Variants in RASGRP1 observed in about 807,000 individuals in gnomAD.
RASGRP1 encodes RAS guanyl-releasing protein 1.
In RASGRP1, 37 loss-of-function variants were observed where a neutral mutation model predicts 95.1. The observed-to-expected ratio is 0.39, with a 90% CI of 0.30 to 0.51. RASGRP1 has a LOEUF of 0.51. Ranked by LOEUF, RASGRP1 falls within the 20% of genes least tolerant of loss-of-function variation. The pLI, the probability that RASGRP1 is intolerant of heterozygous loss-of-function variation, is 0.80. For synonymous variants in RASGRP1, 325 were observed against 353.4 expected (o/e 0.92, Z 0.90); for missense variants, 711 against 965.4 (o/e 0.74, Z 3.49).
At chr15:38,541,215 C>A (rs1290942328) in intron 2 of RASGRP1, among the ~76,000 whole-genome samples, 1 of 152,222 alleles carries the variant, frequency 6.6e-6, no homozygotes, top group Middle Eastern at 3.2e-3. Context: ...ACTGTATCCA[C>A]TTTACCGACA....
chr15:38,523,608 G>T (rs1255010924), intron 3 of RASGRP1, among the ~76,000 whole-genome samples: 1 of 152,018 alleles, frequency 6.6e-6, no homozygotes, highest in East Asian at 1.9e-4. Context: ...AATGTCCTAG[G>T]CCTTCACATT....
At chr15:38,499,946 C>T (rs562714567) in intron 14 of RASGRP1, among the ~76,000 whole-genome samples, 157 bp downstream of exon 14, 3 of 152,188 alleles carry the variant, frequency 2.0e-5, no homozygotes, top group Non-Finnish European at 4.4e-5. Context: ...TCCCCTTCTG[C>T]CATGATTGTG....
At chr15:38,504,443 T>G (rs940484024) in intron 10 of RASGRP1, 2 of 152,204 alleles carry the variant, frequency 1.3e-5, no homozygotes, top group African/African-American at 4.8e-5. Flanking sequence ...AAATGTTTAA[T>G]TTTTTAAATC....
chr15:38,535,945 G>C (rs978512980), intron 2 of RASGRP1, among the ~76,000 whole-genome samples: 10 of 152,150 alleles, frequency 6.6e-5, no homozygotes, highest in African/African-American at 2.4e-4. Context: ...GTCTGTGGGT[G>C]GGGTTTGGGG....
At chr15:38,519,750 A>G (rs1307222821) in intron 3 of RASGRP1, among the ~76,000 whole-genome samples, 1 of 152,212 alleles carries the variant, frequency 6.6e-6, no homozygotes, top group Non-Finnish European at 1.5e-5. Context: ...GGAAAAATGA[A>G]GCAGAAAAAA....
chr15:38,520,952 C>A (rs1891978078), intron 3 of RASGRP1, among the ~76,000 whole-genome samples: 5 of 152,038 alleles, frequency 3.3e-5, no homozygotes, highest in South Asian at 2.1e-4. Flanking sequence ...AATTTTAATA[C>A]ATATACTGCC....
At chr15:38,520,330 CA>C (rs1891953849) in intron 3 of RASGRP1, among the ~76,000 whole-genome samples, 1 of 152,188 alleles carries the variant, frequency 6.6e-6, no homozygotes, top group Admixed American at 6.6e-5. Flanking sequence ...ACCCAGCAAA[CA>C]TTTTAATTAA....
intron 2 of RASGRP1, among the ~76,000 whole-genome samples, chr15:38,537,343 G>A (rs1392260278): frequency 6.6e-6 from 1 of 152,166 alleles, no homozygotes; most frequent in Non-Finnish European, 1.5e-5. Context: ...GAAGCCCTCA[G>A]GAAGCTTACA....
chr15:38,502,037 T>C (rs899795704), intron 12 of RASGRP1, among the ~76,000 whole-genome samples: 12 of 152,240 alleles, frequency 7.9e-5, no homozygotes, highest in African/African-American at 2.9e-4. Context: ...GTATTTTTAG[T>C]AGAGACAGGG....
rs55888286 is a variant in RASGRP1 at position 38,512,984 on chromosome 15, A to G, written c.676-28T>C. On this transcript the variant is annotated intron_variant, in intron 6 of 16. Transcript: ENST00000310803. The stretch of plus-strand genomic sequence containing the variant: ...GCAGGAAAAGAAACAACAACAACAA[A>G]AAAAACCTATCAGTACTGTACTCTG... 4.1e-6 allele frequency: 6 copies of G among 1,477,046 alleles called. No homozygotes were observed. In the Admixed American group the frequency reaches 1.3e-4, roughly 32 times the overall value. 91.5% of individuals were successfully genotyped at this position (1,477,046 alleles called of 1,614,324 possible). A position where few individuals can be genotyped will look rare whatever the true frequency, so the allele number is the denominator to read the frequency against.
At chr15:38,545,571 A>C (rs542362325) in intron 2 of RASGRP1, among the ~76,000 whole-genome samples, 6 of 152,248 alleles carry the variant, frequency 3.9e-5, no homozygotes, top group Non-Finnish European at 8.8e-5. Flanking sequence ...AGGGAAAAAA[A>C]TATTAAATTT....
intron 16 of RASGRP1, among the ~76,000 whole-genome samples, chr15:38,492,751 C>T (rs183254704): frequency 6.6e-6 from 1 of 152,178 alleles, no homozygotes; most frequent in East Asian, 1.9e-4. Context: ...TTGAGCCAGC[C>T]CTGTGAGTTG....
intron 16 of RASGRP1, among the ~76,000 whole-genome samples, chr15:38,493,263 C>T (rs139050765): frequency 0.015 from 2,214 of 148,568 alleles, 59 homozygotes; most frequent in African/African-American, 0.052. Context: ...CTGCAACCTC[C>T]ACCTCCCGGG....
chr15:38,541,127 G>A (rs1056620240), intron 2 of RASGRP1, among the ~76,000 whole-genome samples: 1 of 152,214 alleles, frequency 6.6e-6, no homozygotes, highest in African/African-American at 2.4e-5. Flanking sequence ...CATTTGTATA[G>A]CACTTTGTAC....
intron 2 of RASGRP1, among the ~76,000 whole-genome samples, chr15:38,530,619 G>A (rs907387585): frequency 6.6e-6 from 1 of 152,216 alleles, no homozygotes; most frequent in Admixed American, 6.5e-5. Context: ...GCATTAGAAT[G>A]TTCACAAGAA....
At chr15:38,502,471 T>C (rs1595827518) in intron 11 of RASGRP1, 50 bp from the exon 12 acceptor site, 1 of 1,173,742 alleles carries the variant, frequency 8.5e-7, no homozygotes, top group Non-Finnish European at 1.2e-6. Flanking sequence ...ACCGGTCTTC[T>C]CTCCCTTTAG....
chr15:38,489,602 T>C lies in RASGRP1; in HGVS notation c.*952A>G, dbSNP rs1890492328. ...TATTTAAGCCACTGATCCAATTAGC[T>C]TATTTCTAAATAGTATTAATAGTGA... On this transcript the variant is annotated 3_prime_UTR_variant, in exon 17 of 17. Transcript: ENST00000310803. 6.6e-6 allele frequency: 1 copy of C among 152,482 alleles called. No homozygotes were observed. Among genetic ancestry groups the C allele is most frequent in the South Asian group, 2.1e-4 (1 of 4,828 alleles). 9.4% of individuals were successfully genotyped at this position (152,482 alleles called of 1,614,324 possible).
chr15:38,512,661 C>T, intron 7 of RASGRP1, 122 bp downstream of exon 7: 1 of 1,216,312 alleles, frequency 8.2e-7, no homozygotes, highest in South Asian at 1.5e-5. Flanking sequence ...ACAAACCTCT[C>T]CACCCCCTCG....
chr15:38,553,242 G>A (rs1388932361), intron 2 of RASGRP1, among the ~76,000 whole-genome samples: 3 of 152,174 alleles, frequency 2.0e-5, no homozygotes, highest in South Asian at 2.1e-4. Flanking sequence ...TAATTGTTCC[G>A]GGCAGGAGTG....
Sources: gnomAD v4.1 joint callset for allele counts (sites outside exome capture counted in the v4.1 genomes callset) on GRCh38, gnomAD v4.1.1 for gene constraint, MANE v1.5 for transcripts, NCBI Gene and HGNC (gene_info 2026-07-23, HGNC 2026-07-21) for gene names.